DOCK1: variants seen among roughly 807,000 people sequenced by gnomAD.
DOCK1 encodes dedicator of cytokinesis protein 1.
A neutral mutation model predicts 262.7 loss-of-function variants in DOCK1; 138 were observed. The ratio of observed to expected loss-of-function variants is 0.53; its 90% CI spans 0.46 to 0.61. The LOEUF (loss-of-function observed/expected upper bound fraction) is 0.61, where lower values mean the gene tolerates loss of function less well. Among genes scored for constraint, DOCK1 ranks in the 20% least tolerant of loss-of-function variants. The pLI, the probability that DOCK1 is intolerant of heterozygous loss-of-function variation, is 0.00. For synonymous variants in DOCK1, 866 were observed against 867.4 expected (o/e 1.00, Z 0.03); for missense variants, 1,908 against 2,370.7 (o/e 0.80, Z 4.05).
intron 16 of DOCK1, among the ~76,000 whole-genome samples, chr10:127,027,091 AT>A (rs2042917657): frequency 6.6e-6 from 1 of 152,252 alleles, no homozygotes; most frequent in Non-Finnish European, 1.5e-5. Context: ...ACTGAGACAT[AT>A]TCATATTTGG....
At chr10:127,250,686 G>A (rs74787400) in intron 28 of DOCK1, among the ~76,000 whole-genome samples, 43,799 of 149,572 alleles carry the variant, frequency 0.29, 7,280 homozygotes, top group South Asian at 0.55. Flanking sequence ...CAGCTACTGG[G>A]GAGGCTGAAG....
chr10:126,976,479 T>C (rs780869896), intron 2 of DOCK1, among the ~76,000 whole-genome samples: 1 of 152,212 alleles, frequency 6.6e-6, no homozygotes, highest in Non-Finnish European at 1.5e-5. Context: ...CATCACTTTC[T>C]GGTTCACAAT....
rs1044954472 is a variant in DOCK1, at chr10:127,125,375, G to A, written c.2624-99G>A. The A allele has an allele frequency of 1.1e-5, 17 of 1,547,800 alleles. 1 individual carries two copies. Among genetic ancestry groups the A allele is most frequent in the Admixed American group, 3.7e-5 (2 of 53,860 alleles). On this transcript the variant is annotated intron_variant, in intron 25 of 51. Transcript: ENST00000623213. ...ATGTCAGTTCCACGTGTTGCACAAC[G>A]TGAATGCAAACTGCTTGAAAGGGCA...
chr10:127,268,739 C>T (rs1035159314), intron 29 of DOCK1, among the ~76,000 whole-genome samples: 1 of 151,992 alleles, frequency 6.6e-6, no homozygotes, highest in Non-Finnish European at 1.5e-5. Context: ...GTCGCTCTGC[C>T]AGGGGCTCCA....
At position 126,995,086 on chromosome 10, in the gene DOCK1, C is replaced by T. The variant is rs1200715908; in HGVS notation, c.474-1662C>T. Among the ~76,000 whole-genome samples the T allele has an allele frequency of 2.0e-5, 3 of 148,488 alleles. No homozygotes were observed. Among genetic ancestry groups the T allele is most frequent in the African/African-American group, 5.0e-5 (2 of 39,760 alleles). On this transcript the variant is annotated intron_variant, in intron 6 of 51. Coordinates refer to ENST00000623213, the MANE Select transcript of DOCK1 (RefSeq NM_001290223.2). The surrounding 1 kb of genome is among the most constrained non-coding windows in gnomAD (Gnocchi z 5.8). Reference sequence around the variant, plus strand: ...GGCGCTCTTCACATCTCAGACGGGGCGGCAGGGCAGAGGCGCTCCCCAGAT... The same window carrying T: ...GGCGCTCTTCACATCTCAGACGGGGTGGCAGGGCAGAGGCGCTCCCCAGAT...
intron 48 of DOCK1, among the ~76,000 whole-genome samples, chr10:127,434,822 C>T (rs1358917347): frequency 6.6e-6 from 1 of 152,006 alleles, no homozygotes; most frequent in African/African-American, 2.4e-5. Context: ...CTGGCCAATT[C>T]TTTGTATATT....
chr10:127,038,722 G>A (rs1365486839), intron 19 of DOCK1, among the ~76,000 whole-genome samples: 1 of 140,500 alleles, frequency 7.1e-6, no homozygotes. Context: ...TGTGAGAGAG[G>A]GCAGTCAGAT....
At position 127,032,268 on chromosome 10, in the gene DOCK1, GGACTCCTTCCA is replaced by G. The variant is rs1395606528; in HGVS notation, c.1863_1873del (p.Ser622LeufsTer42). 6.3e-7 allele frequency: 1 copy of G among 1,595,536 alleles called. No homozygotes were observed. The highest frequency in any genetic ancestry group is 8.5e-7 in the Non-Finnish European group (1 of 1,172,222). On this transcript the variant is annotated frameshift_variant, in exon 18 of 52. Coordinates refer to ENST00000623213, the MANE Select transcript of DOCK1 (RefSeq NM_001290223.2). LOFTEE classifies it high-confidence loss of function. ...GCCTTGGGAGCTGCACCATTAGCAA[GGACTCCTTCCA>G]GATCTCCACGCTCGTGTGCTCCACC...
intron 28 of DOCK1, among the ~76,000 whole-genome samples, chr10:127,249,607 C>T (rs187921109): frequency 4.3e-4 from 65 of 152,072 alleles, no homozygotes; most frequent in Middle Eastern, 6.8e-3. Flanking sequence ...CCTGTTGCTC[C>T]GAGGCTACAC....
intron 29 of DOCK1, among the ~76,000 whole-genome samples, chr10:127,333,300 T>C (rs1018054549): frequency 6.6e-6 from 1 of 152,188 alleles, no homozygotes; most frequent in Non-Finnish European, 1.5e-5. Flanking sequence ...TGCAAGCCCC[T>C]GGAAGTTCCC....
intron 26 of DOCK1, among the ~76,000 whole-genome samples, chr10:127,126,292 T>C (rs1207567855): frequency 1.3e-5 from 2 of 152,104 alleles, no homozygotes; most frequent in Non-Finnish European, 2.9e-5. Flanking sequence ...AGACGGGGTT[T>C]CACTATGTTG....
chr10:126,942,968 A>T (rs1482876633), intron 1 of DOCK1, among the ~76,000 whole-genome samples: 1 of 152,134 alleles, frequency 6.6e-6, no homozygotes, highest in Non-Finnish European at 1.5e-5. Flanking sequence ...TTAAAAACAA[A>T]CAAATAGGCC....
rs1213976247 is a variant in DOCK1, at chr10:126,990,412, G to C, written c.325-43G>C. 4.5e-6 allele frequency: 7 copies of C among 1,559,340 alleles called. No homozygotes were observed. The African/African-American group carries it at 6.8e-5, about 15-fold the overall frequency. On this transcript the variant is annotated intron_variant, in intron 5 of 51. Coordinates refer to ENST00000623213, the MANE Select transcript of DOCK1 (RefSeq NM_001290223.2). ...CATTCTCTACCATCTCCACAATGCTGTTTTATAACAAAATCTTTCTGATTG... is the reference window on the plus strand; with the variant it reads ...CATTCTCTACCATCTCCACAATGCTCTTTTATAACAAAATCTTTCTGATTG...
intron 44 of DOCK1, 80 bp from the exon 45 acceptor site, chr10:127,418,285 G>T (rs1013016917): frequency 2.3e-5 from 33 of 1,441,834 alleles, no homozygotes; most frequent in Admixed American, 8.1e-5. Context: ...GCCTGCCCCA[G>T]AGCACGTGGC....
intron 31 of DOCK1, among the ~76,000 whole-genome samples, chr10:127,350,200 A>G (rs2063816732): frequency 6.6e-6 from 1 of 152,140 alleles, no homozygotes; most frequent in African/African-American, 2.4e-5. Context: ...GCTGGTTAAT[A>G]CATGTATTTT....
chr10:127,163,652 A>G (rs1589716731), intron 27 of DOCK1, among the ~76,000 whole-genome samples: 1 of 152,140 alleles, frequency 6.6e-6, no homozygotes, highest in Non-Finnish European at 1.5e-5. Flanking sequence ...GTCTGTCTAA[A>G]TAGTATTCAT....
At chr10:127,303,917 C>T (rs1049891855) in intron 29 of DOCK1, among the ~76,000 whole-genome samples, 1 of 152,150 alleles carries the variant, frequency 6.6e-6, no homozygotes, top group African/African-American at 2.4e-5. Context: ...TGTGTAAAAA[C>T]GTGCAAGAAT....
chr10:127,070,745 T>G (rs1305978789), intron 23 of DOCK1, among the ~76,000 whole-genome samples: 2 of 150,754 alleles, frequency 1.3e-5, no homozygotes, highest in East Asian at 1.9e-4. Context: ...TGCACATGAG[T>G]CACCTGGAGG....
chr10:126,993,457 G>C (rs145768059), intron 6 of DOCK1, among the ~76,000 whole-genome samples: 3 of 152,190 alleles, frequency 2.0e-5, no homozygotes, highest in Non-Finnish European at 4.4e-5. Context: ...TGCCCACACC[G>C]TCACTGACCC....
Sources: allele counts gnomAD v4.1 joint callset (sites outside exome capture counted in the v4.1 genomes callset), GRCh38; gene constraint gnomAD v4.1.1; non-coding constraint Gnocchi (gnomAD v3.1); transcripts MANE v1.5; gene names NCBI Gene and HGNC (gene_info 2026-07-23, HGNC 2026-07-21).